Variants in SLC25A37 observed in about 807,000 individuals in gnomAD.
SLC25A37 encodes the protein solute carrier family 25 member 37.
SLC25A37 carries 17 observed loss-of-function variants against 31.0 expected under a neutral mutation model. The observed-to-expected ratio is 0.55, with a 90% CI of 0.38 to 0.82. The LOEUF is 0.82. Ranked by LOEUF, SLC25A37 falls within the 40% of genes least tolerant of loss-of-function variation. The pLI is 0.00. For missense variants in SLC25A37, 404 were observed against 465.8 expected, an observed-to-expected ratio of 0.87 and a Z score of 1.22; for synonymous variants, 222 against 193.0, an observed-to-expected ratio of 1.15 and a Z score of -1.24.
At chr8:23,567,902 T>C in intron 2 of SLC25A37, 1 of 186,754 alleles carries the variant, frequency 5.4e-6, no homozygotes, top group Non-Finnish European at 1.1e-5. Context: ...CCTTCTCAGC[T>C]GTAGATATGA....
At chr8:23,540,761 C>T (rs1326633457) in intron 1 of SLC25A37, among the ~76,000 whole-genome samples, 1 of 152,118 alleles carries the variant, frequency 6.6e-6, no homozygotes, top group Admixed American at 6.5e-5. Context: ...TTCCGTGGTC[C>T]ACTAAGGCTG....
In SLC25A37 at chr8:23,542,097, C is replaced by T. The variant is rs989256357; in HGVS notation, c.210+12885C>T. On this transcript the variant is annotated intron_variant, in intron 1 of 3. Coordinates refer to ENST00000519973, the MANE Select transcript of SLC25A37 (RefSeq NM_016612.4). Reference sequence around the variant, plus strand: ...CTGAATTACAGTCAGCACCACATAACGATGTTTCGGTCAACTATGGACTCC... The same window carrying T: ...CTGAATTACAGTCAGCACCACATAATGATGTTTCGGTCAACTATGGACTCC... 2.5e-4 allele frequency among the ~76,000 whole-genome samples: 38 copies of T among 152,258 alleles called. 1 individual carries two copies. The highest frequency in any genetic ancestry group is 8.4e-4 in the African/African-American group (35 of 41,548).
rs34968988 is a variant in SLC25A37, at chr8:23,571,744, C to T, written c.906C>T (p.Ile302=). The change falls in exon 4 of 4, where the codon ATC becomes ATT. Residue 302 remains isoleucine (I), a synonymous_variant. Transcript: ENST00000519973. ...GCCTGGCCGGCTACTTCAAAGGCAT[C>T]CAGGCGCGTGTCATCTACCAGATGC... is the stretch of plus-strand genomic sequence containing the variant. The part of the protein sequence containing the change: ...LNGLAGYFKG[I]QARVIYQMPS... 2,028 of 1,614,044 alleles carry T rather than the reference C, an allele frequency of 1.3e-3. 2 individuals are homozygous for T. The highest frequency in any genetic ancestry group is 1.6e-3 in the Non-Finnish European group (1,883 of 1,179,906).
Position 23,529,529 on chromosome 8 carries a change from C to T in SLC25A37, c.210+317C>T, listed in dbSNP as rs917460131. ...CTGGCTTCGGCGGCGACTGGGCTCC[C>T]GGGGGACGCGATCGCTGAAGCTCTG... On this transcript the variant is annotated intron_variant, in intron 1 of 3. Coordinates refer to ENST00000519973, the MANE Select transcript of SLC25A37 (RefSeq NM_016612.4). The surrounding 1 kb of genome is among the most constrained non-coding windows in gnomAD (Gnocchi z 4.1). 5.9e-5 allele frequency among the ~76,000 whole-genome samples: 9 copies of T among 152,086 alleles called. No homozygotes were observed. The highest frequency in any genetic ancestry group is 1.9e-4 in the African/African-American group (8 of 41,442).
intron 1 of SLC25A37, among the ~76,000 whole-genome samples, chr8:23,545,271 CTT>C (rs1331200161): frequency 1.3e-5 from 2 of 152,226 alleles, no homozygotes; most frequent in African/African-American, 4.8e-5. Context: ...CTTCTTGTCT[CTT>C]TTGAAAGGTA....
chr8:23,537,235 T>C (rs1801788351), intron 1 of SLC25A37, among the ~76,000 whole-genome samples: 1 of 150,926 alleles, frequency 6.6e-6, no homozygotes, highest in African/African-American at 2.4e-5. Context: ...CTCCCCTGCC[T>C]CACATTTCCC....
chr8:23,571,379 G>C lies in SLC25A37; in HGVS notation c.541G>C (p.Ala181Pro). 6.2e-7 allele frequency: 1 copy of C among 1,611,266 alleles called. No individual in the cohort carries two copies. The highest frequency in any genetic ancestry group is 2.2e-5 in the East Asian group (1 of 44,838). ...LQMYNSQHRSAISCIRTVWRT... is the reference protein window; with the variant it reads ...LQMYNSQHRSPISCIRTVWRT... The stretch of plus-strand genomic sequence containing the variant: ...GATGTACAACTCGCAGCACCGGTCA[G>C]CAATCAGCTGCATCCGGACGGTGTG... The change falls in exon 4 of 4, where the codon GCA becomes CCA. Residue 181 changes from alanine to proline, a missense_variant. Transcript: ENST00000519973.
At chr8:23,544,289 C>A (rs1474557521) in intron 1 of SLC25A37, among the ~76,000 whole-genome samples, 1 of 152,182 alleles carries the variant, frequency 6.6e-6, no homozygotes, top group Non-Finnish European at 1.5e-5. Flanking sequence ...CTATAGCGTA[C>A]AGCCTAGGTG....
intron 2 of SLC25A37, chr8:23,568,084 A>G: frequency 3.5e-6 from 2 of 577,652 alleles, no homozygotes; most frequent in South Asian, 3.7e-5. Flanking sequence ...ACAAGAAAGA[A>G]AACCATGTTT....
chr8:23,532,186 T>G (rs1181450773), intron 1 of SLC25A37, among the ~76,000 whole-genome samples: 1 of 152,224 alleles, frequency 6.6e-6, no homozygotes, highest in East Asian at 1.9e-4. Flanking sequence ...TTCCTGTGTC[T>G]TCTTCTTTCC....
intron 1 of SLC25A37, among the ~76,000 whole-genome samples, chr8:23,531,394 C>T (rs1801658202): frequency 1.3e-5 from 2 of 152,200 alleles, no homozygotes; most frequent in Admixed American, 6.5e-5. Context: ...CTTCATGCCT[C>T]GGGCACTGTT....
intron 1 of SLC25A37, among the ~76,000 whole-genome samples, chr8:23,564,968 T>A (rs1313031041): frequency 6.6e-6 from 1 of 152,070 alleles, no homozygotes; most frequent in Non-Finnish European, 1.5e-5. Flanking sequence ...AATTGAGAGA[T>A]TTACTTTGAG....
intron 1 of SLC25A37, among the ~76,000 whole-genome samples, chr8:23,564,489 C>G (rs370678551): frequency 0.097 from 1,224 of 12,580 alleles, 24 homozygotes; most frequent in African/African-American, 0.25. Flanking sequence ...GGGAGGGAGT[C>G]GGGGAGGGAG....
At chr8:23,551,969 T>G (rs1585188612) in intron 1 of SLC25A37, among the ~76,000 whole-genome samples, 2 of 152,190 alleles carry the variant, frequency 1.3e-5, no homozygotes, top group Non-Finnish European at 1.5e-5. Flanking sequence ...CTGTGGCTGG[T>G]AGCCTCCTCC....
chr8:23,547,590 G>A (rs1802102142), intron 1 of SLC25A37, among the ~76,000 whole-genome samples: 1 of 152,136 alleles, frequency 6.6e-6, no homozygotes. Context: ...TTTCAACTTT[G>A]GGTGTAAAAT....
At chr8:23,559,649 G>A (rs537798261) in intron 1 of SLC25A37, among the ~76,000 whole-genome samples, 18 of 152,058 alleles carry the variant, frequency 1.2e-4, no homozygotes, top group Admixed American at 7.2e-4. Flanking sequence ...AGAACTCTCC[G>A]TCCTGTTCCC....
chr8:23,556,953 C>T (rs10099421), intron 1 of SLC25A37, among the ~76,000 whole-genome samples: 64,359 of 151,860 alleles, frequency 0.42, 13,989 homozygotes, highest in East Asian at 0.55. Context: ...TGAGTTCGAG[C>T]GACTCTCCTG....
chr8:23,557,398 G>A (rs1204023426), intron 1 of SLC25A37, among the ~76,000 whole-genome samples: 1 of 152,188 alleles, frequency 6.6e-6, no homozygotes, highest in Non-Finnish European at 1.5e-5. Flanking sequence ...ATGCTGGAAG[G>A]TGAGACAGGG....
intron 1 of SLC25A37, among the ~76,000 whole-genome samples, chr8:23,538,582 A>G (rs1355910799): frequency 6.6e-6 from 1 of 151,526 alleles, no homozygotes; most frequent in Non-Finnish European, 1.5e-5. Context: ...AGCAGCAGCT[A>G]TACCCCGATG....
Sources: gnomAD v4.1 joint callset for allele counts (sites outside exome capture counted in the v4.1 genomes callset) on GRCh38, gnomAD v4.1.1 for gene constraint, Gnocchi (gnomAD v3.1) non-coding constraint, MANE v1.5 for transcripts, NCBI Gene and HGNC (gene_info 2026-07-23, HGNC 2026-07-21) for gene names.